The following CTCF variants were observed in gnomAD, a reference collection of about 807,000 sequenced individuals.
The protein encoded by CTCF is CCCTC-binding factor, also known as transcriptional repressor CTCF.
A neutral mutation model predicts 72.3 loss-of-function variants in CTCF; 7 were observed. That is an observed-to-expected ratio of 0.10 (90% confidence interval 0.06 to 0.18). The LOEUF (loss-of-function observed/expected upper bound fraction) is 0.18, where lower values mean the gene tolerates loss of function less well. Among genes scored for constraint, CTCF ranks in the 10% least tolerant of loss-of-function variants. The pLI is 1.00. For synonymous variants in CTCF, 374 were observed against 315.8 expected (o/e 1.18, Z -1.95); for missense variants, 516 against 949.1 (o/e 0.54, Z 6.00).
intron 2 of CTCF, among the ~76,000 whole-genome samples, chr16:67,609,624 C>CT (rs921342687): frequency 0.033 from 4,527 of 135,390 alleles, 123 homozygotes; most frequent in Non-Finnish European, 0.04. Context: ...CCTGATAATT[C>CT]TTTTTTTTTT....
intron 2 of CTCF, among the ~76,000 whole-genome samples, chr16:67,610,008 T>C (rs1429737848): frequency 6.6e-6 from 1 of 152,156 alleles, no homozygotes; most frequent in Non-Finnish European, 1.5e-5. Flanking sequence ...ACCCACGAGA[T>C]AACAGTAGCA....
intron 7 of CTCF, among the ~76,000 whole-genome samples, chr16:67,626,166 G>A (rs1484196467): frequency 1.3e-5 from 2 of 151,992 alleles, no homozygotes; most frequent in African/African-American, 2.4e-5. Context: ...TGGGCTGGGC[G>A]CAGTGGCTCA....
At position 67,631,075 on chromosome 16, in the gene CTCF, G is replaced by A. The variant is rs1267205060; in HGVS notation, c.1837+1542G>A. Among the ~76,000 whole-genome samples, 6 of 152,180 alleles carry A rather than the reference G, an allele frequency of 3.9e-5. No homozygotes were observed. In the East Asian group the frequency reaches 1.2e-3, roughly 29 times the overall value. Reference sequence around the variant, plus strand: ...GCACTGGTTGTCAGTAGAAATAGTGGGGAGGGGTTGAGATTTTTGAAGAAG... The same window carrying A: ...GCACTGGTTGTCAGTAGAAATAGTGAGGAGGGGTTGAGATTTTTGAAGAAG... On this transcript the variant is annotated intron_variant, in intron 10 of 11. Transcript: ENST00000264010.
intron 2 of CTCF, among the ~76,000 whole-genome samples, chr16:67,577,750 C>G (rs2051518767): frequency 6.6e-6 from 1 of 152,044 alleles, no homozygotes; most frequent in Non-Finnish European, 1.5e-5. Flanking sequence ...CCCAGCCAGT[C>G]TAGACTTCTT....
rs2142823986 is a variant in CTCF, at chr16:67,611,000, C to T, written c.168C>T (p.Ser56=). ...GTGAGGTGGTCCAGGATGTCAACAGCAGTGTACAGATGGTGATGATGGAAC... is the reference window on the plus strand; with the variant it reads ...GTGAGGTGGTCCAGGATGTCAACAGTAGTGTACAGATGGTGATGATGGAAC... ...DGGEVVQDVN[S]SVQMVMMEQL... is the part of the protein sequence containing the mutation. Residue 56 remains serine, a synonymous_variant, in exon 3 of 12, where the codon AGC becomes AGT. Transcript: ENST00000264010. 1 of 1,612,228 alleles carries T rather than the reference C, an allele frequency of 6.2e-7. No individual in the cohort carries two copies. Among genetic ancestry groups the T allele is most frequent in the Non-Finnish European group, 8.5e-7 (1 of 1,178,442 alleles).
At chr16:67,583,909 G>C (rs1597689124) in intron 2 of CTCF, among the ~76,000 whole-genome samples, 1 of 152,120 alleles carries the variant, frequency 6.6e-6, no homozygotes, top group Admixed American at 6.6e-5. Context: ...AGATGTAAAT[G>C]CTGCTCAGTA....
intron 5 of CTCF, among the ~76,000 whole-genome samples, 186 bp downstream of exon 5, chr16:67,617,064 A>G (rs2052140941): frequency 6.6e-6 from 1 of 152,232 alleles, no homozygotes; most frequent in South Asian, 2.1e-4. Context: ...TACTTGTTAA[A>G]AAGAGTCAAG....
At chr16:67,590,298 C>T (rs1485370322) in intron 2 of CTCF, among the ~76,000 whole-genome samples, 1 of 151,948 alleles carries the variant, frequency 6.6e-6, no homozygotes, top group Non-Finnish European at 1.5e-5. Flanking sequence ...AGATTCAAAG[C>T]TTCAGTGGGC....
intron 2 of CTCF, among the ~76,000 whole-genome samples, chr16:67,602,632 A>G (rs1158674444): frequency 1.3e-5 from 2 of 152,066 alleles, no homozygotes; most frequent in African/African-American, 2.4e-5. Flanking sequence ...ACCTGAGGTC[A>G]GGAGTTCAAG....
At chr16:67,585,258 C>G (rs1383199790) in intron 2 of CTCF, among the ~76,000 whole-genome samples, 1 of 152,200 alleles carries the variant, frequency 6.6e-6, no homozygotes, top group Non-Finnish European at 1.5e-5. Flanking sequence ...CCATGTTGGT[C>G]AGGCTCGTCT....
intron 7 of CTCF, among the ~76,000 whole-genome samples, chr16:67,624,107 G>GTGTGTGTGTGTGTA (rs2052245610): frequency 7.2e-6 from 1 of 138,704 alleles, no homozygotes; most frequent in Non-Finnish European, 1.5e-5. Flanking sequence ...GTGTGTGTGT[G>GTGTGTGTGTGTGTA]TGTGTGTGTA....
intron 2 of CTCF, among the ~76,000 whole-genome samples, chr16:67,603,280 C>T (rs2051921582): frequency 6.6e-6 from 1 of 151,800 alleles, no homozygotes; most frequent in Non-Finnish European, 1.5e-5. Context: ...CCTGTAATCC[C>T]AGCACTTTGG....
chr16:67,571,813 G>A (rs2051424871), intron 2 of CTCF, among the ~76,000 whole-genome samples: 1 of 152,134 alleles, frequency 6.6e-6, no homozygotes, highest in Non-Finnish European at 1.5e-5. Context: ...GAGTGTGACA[G>A]TGATTATCAT....
At chr16:67,597,648 T>G (rs1029634725) in intron 2 of CTCF, among the ~76,000 whole-genome samples, 4 of 152,198 alleles carry the variant, frequency 2.6e-5, no homozygotes, top group African/African-American at 7.2e-5. Context: ...TGCCAATGCT[T>G]CTTTGTTTCA....
At chr16:67,590,783 CCT>C (rs1047810422) in intron 2 of CTCF, among the ~76,000 whole-genome samples, 5 of 151,526 alleles carry the variant, frequency 3.3e-5, no homozygotes, top group African/African-American at 4.8e-5. Context: ...ATGGCGAAAC[CCT>C]GTCTCTACTA....
rs757799120 is a variant in CTCF at position 67,611,079 on chromosome 16, G to C, written c.247G>C (p.Ala83Pro). 4 of 1,614,140 alleles carry C rather than the reference G, an allele frequency of 2.5e-6. No individual in the cohort carries two copies. Among genetic ancestry groups the C allele is most frequent in the Non-Finnish European group, 3.4e-6 (4 of 1,180,014 alleles). The change falls in exon 3 of 12, where the codon GCT (alanine) becomes CCT (proline). Residue 83 changes from alanine (A) to proline (P), a missense_variant. By Grantham distance (27) the Ala-to-Pro change is conservative (BLOSUM62 -1). Transcript: ENST00000264010. ...MKTEVMEGTV[A>P]PEAEAAVDDT... ...GACTGAAGTAATGGAGGGCACAGTG[G>C]CTCCAGAAGCAGAGGCTGCTGTGGA...
At chr16:67,605,926 G>T (rs1166006067) in intron 2 of CTCF, among the ~76,000 whole-genome samples, 1 of 152,200 alleles carries the variant, frequency 6.6e-6, no homozygotes, top group Non-Finnish European at 1.5e-5. Context: ...TTATCATGGG[G>T]TCAGGTACGA....
At chr16:67,624,071 ATGTGTGTGTGTGTGTGTGTGTG>A (rs58387336) in intron 7 of CTCF, among the ~76,000 whole-genome samples, 30 of 117,586 alleles carry the variant, frequency 2.6e-4, no homozygotes, top group Admixed American at 1.1e-3. Flanking sequence ...AAAATTATAT[ATGTGTGTGTGTGTGTGTGTGTG>A]TGTGTGTGTG....
rs1210440148 is a variant in CTCF, at chr16:67,638,182, A to G, written c.*310A>G. 1 of 312,314 alleles carries G rather than the reference A, an allele frequency of 3.2e-6. No individual in the cohort carries two copies. Among genetic ancestry groups the G allele is most frequent in the East Asian group, 4.7e-5 (1 of 21,246 alleles). The allele number at this position is 312,314 out of a possible 1,614,324, so 19.3% of individuals were successfully genotyped here. Reference sequence around the variant, plus strand: ...ACATTGACCCCTCCCTCCATGTGGTAAACCACTCCAGAATGGCCACCAGGC... The same window carrying G: ...ACATTGACCCCTCCCTCCATGTGGTGAACCACTCCAGAATGGCCACCAGGC... On this transcript the variant is annotated 3_prime_UTR_variant, in exon 12 of 12. Transcript: ENST00000264010.
Sources: allele counts gnomAD v4.1 joint callset (sites outside exome capture counted in the v4.1 genomes callset), GRCh38; gene constraint gnomAD v4.1.1; transcripts MANE v1.5; gene names NCBI Gene and HGNC (gene_info 2026-07-23, HGNC 2026-07-21).